The following MAF variants were observed in gnomAD, a reference collection of about 807,000 sequenced individuals.
MAF encodes MAF bZIP transcription factor.
MAF carries 10 observed loss-of-function variants against 22.0 expected under a neutral mutation model. That is an observed-to-expected ratio of 0.45 (90% CI 0.28 to 0.77). The LOEUF (loss-of-function observed/expected upper bound fraction) is 0.77, where lower values mean the gene tolerates loss of function less well. Ranked by LOEUF, MAF falls within the 30% of genes least tolerant of loss-of-function variation. MAF has a pLI of 0.12. For synonymous variants in MAF, 337 were observed against 255.8 expected, an observed-to-expected ratio of 1.32 and a Z score of -3.03; for missense variants, 544 against 548.4, an observed-to-expected ratio of 0.99 and a Z score of 0.08.
the MAF span, among the ~76,000 whole-genome samples, chr16:79,348,032 T>C: frequency 6.6e-6 from 1 of 152,046 alleles, no homozygotes; most frequent in African/African-American, 2.4e-5. Context: ...ATTTGCATAG[T>C]TCGATCCTCT....
the MAF span, among the ~76,000 whole-genome samples, chr16:79,397,767 A>G: frequency 6.6e-6 from 1 of 152,146 alleles, no homozygotes; most frequent in South Asian, 2.1e-4. Flanking sequence ...CTAAGGGTAG[A>G]GCCCCCCTCC....
chr16:79,507,655 G>A, the MAF span, among the ~76,000 whole-genome samples: 9 of 151,998 alleles, frequency 5.9e-5, no homozygotes, highest in African/African-American at 2.2e-4. Context: ...TCGATCTCCT[G>A]ACCTCGTGAT....
the MAF span, among the ~76,000 whole-genome samples, chr16:79,310,212 A>G: frequency 1.3e-5 from 2 of 152,184 alleles, no homozygotes; most frequent in African/African-American, 2.4e-5. Flanking sequence ...GACTTGGTGC[A>G]CGCACGGGAG....
intron 1 of MAF, among the ~76,000 whole-genome samples, chr16:79,587,591 G>C (rs1258100549): frequency 3.9e-5 from 6 of 152,064 alleles, no homozygotes; most frequent in African/African-American, 1.2e-4. Context: ...TCATATACTT[G>C]TGAGGCATTT....
chr16:79,248,797 A>AC, the MAF span, among the ~76,000 whole-genome samples: 4 of 94,016 alleles, frequency 4.3e-5, no homozygotes, highest in African/African-American at 1.3e-4. Context: ...TCCAAAATTT[A>AC]CAAAAAAAAA....
chr16:79,383,915 C>T, the MAF span, among the ~76,000 whole-genome samples: 8 of 152,064 alleles, frequency 5.3e-5, no homozygotes, highest in Non-Finnish European at 7.4e-5. Flanking sequence ...CAAACTTTTC[C>T]CCCCAAAAGT....
At chr16:79,465,372 C>G in the MAF span, among the ~76,000 whole-genome samples, 2 of 152,132 alleles carry the variant, frequency 1.3e-5, no homozygotes, top group Non-Finnish European at 2.9e-5. Flanking sequence ...GCGGGCAGAT[C>G]GCTTGAGCCC....
the MAF span, among the ~76,000 whole-genome samples, chr16:79,510,404 G>T: frequency 6.6e-6 from 1 of 152,126 alleles, no homozygotes; most frequent in East Asian, 1.9e-4. Context: ...CTGGAGGTGT[G>T]GTATCTCCCC....
chr16:79,262,529 G>A, the MAF span, among the ~76,000 whole-genome samples: 5 of 152,168 alleles, frequency 3.3e-5, no homozygotes, highest in Non-Finnish European at 5.9e-5. Flanking sequence ...AACCCATAGG[G>A]AAGGGAGCTC....
chr16:79,376,470 T>C, the MAF span, among the ~76,000 whole-genome samples: 3 of 152,140 alleles, frequency 2.0e-5, no homozygotes, highest in African/African-American at 4.8e-5. Flanking sequence ...CACATGTTTT[T>C]TGTTTTGTTT....
At chr16:79,581,088 G>C (rs1314634943), downstream of MAF, among the ~76,000 whole-genome samples, 1 of 152,078 alleles carries the variant, frequency 6.6e-6, no homozygotes. Context: ...TGCAGTGCTT[G>C]ATTTCAACAC....
At chr16:79,274,468 G>C in the MAF span, among the ~76,000 whole-genome samples, 2 of 152,272 alleles carry the variant, frequency 1.3e-5, no homozygotes, top group African/African-American at 4.8e-5. Flanking sequence ...AAATGCACTA[G>C]GAGCTGCACC....
the MAF span, among the ~76,000 whole-genome samples, chr16:79,224,769 A>G: frequency 6.6e-6 from 1 of 152,228 alleles, no homozygotes; most frequent in Non-Finnish European, 1.5e-5. Context: ...CAATTGCTAC[A>G]AAGAGAATAA....
At chr16:79,221,554 C>A in the MAF span, among the ~76,000 whole-genome samples, 1 of 152,184 alleles carries the variant, frequency 6.6e-6, no homozygotes, top group Admixed American at 6.5e-5. Context: ...GTATTAAAAT[C>A]ACTATGATCC....
the MAF span, among the ~76,000 whole-genome samples, chr16:79,528,473 A>G: frequency 1.3e-5 from 2 of 152,172 alleles, no homozygotes; most frequent in African/African-American, 4.8e-5. Context: ...GAATCATCCA[A>G]GCCAAGAAAA....
chr16:79,487,429 G>A, the MAF span, among the ~76,000 whole-genome samples: 5 of 151,990 alleles, frequency 3.3e-5, no homozygotes, highest in African/African-American at 1.2e-4. Flanking sequence ...GGCCTATCAT[G>A]CACTTAAGAA....
At chr16:79,371,131 T>A in the MAF span, among the ~76,000 whole-genome samples, 6 of 45,600 alleles carry the variant, frequency 1.3e-4, no homozygotes, top group South Asian at 7.7e-4. Flanking sequence ...TCATTCACAT[T>A]TTTTTTTTTT....
At chr16:79,488,496 T>C in the MAF span, among the ~76,000 whole-genome samples, 1 of 152,074 alleles carries the variant, frequency 6.6e-6, no homozygotes, top group Non-Finnish European at 1.5e-5. Context: ...TAATGTAACA[T>C]TCCACCAACA....
At chr16:79,582,242 A>C (rs949980449), downstream of MAF, among the ~76,000 whole-genome samples, 2 of 152,226 alleles carry the variant, frequency 1.3e-5, no homozygotes, top group Non-Finnish European at 2.9e-5. Context: ...AGCAAGCAGC[A>C]GGTGAAGGGA....
Sources: gnomAD v4.1 joint callset for allele counts (sites outside exome capture counted in the v4.1 genomes callset) on GRCh38, gnomAD v4.1.1 for gene constraint, MANE v1.5 for transcripts, NCBI Gene and HGNC (gene_info 2026-07-23, HGNC 2026-07-21) for gene names.